The following FANCA variants were observed in gnomAD, a reference collection of about 807,000 sequenced individuals.
The protein encoded by FANCA is Fanconi anemia group A protein.
FANCA carries 236 observed loss-of-function variants against 194.3 expected under a neutral mutation model. The observed-to-expected ratio is 1.21, with a 90% CI of 1.09 to 1.35. The LOEUF (loss-of-function observed/expected upper bound fraction) is 1.35. Ranked by LOEUF, FANCA falls within the 40% of genes most tolerant of loss-of-function variation. The probability of loss-of-function intolerance (pLI) is 0.00; values close to 1 mark genes in which losing one functional copy is unlikely to be tolerated. For synonymous variants in FANCA, 1,014 were observed against 715.8 expected (o/e 1.42, Z -6.65); for missense variants, 2,628 against 1,813.9 (o/e 1.45, Z -8.15).
At chr16:89,758,238 G>C (rs2038828612) in intron 30 of FANCA, among the ~76,000 whole-genome samples, 1 of 152,226 alleles carries the variant, frequency 6.6e-6, no homozygotes, top group Non-Finnish European at 1.5e-5. Context: ...TATTGACATA[G>C]ATTTGCTATG....
chr16:89,812,766 G>A (rs1161993273), intron 3 of FANCA, among the ~76,000 whole-genome samples: 1 of 151,828 alleles, frequency 6.6e-6, no homozygotes, highest in African/African-American at 2.4e-5. Flanking sequence ...TGGTTGCGGT[G>A]GCTCATGCCT....
intron 14 of FANCA, among the ~76,000 whole-genome samples, chr16:89,786,553 G>C (rs1477052469): frequency 6.6e-6 from 1 of 152,104 alleles, no homozygotes; most frequent in Non-Finnish European, 1.5e-5. Context: ...CTGACCTCAA[G>C]TGATCCACCT....
intron 11 of FANCA, among the ~76,000 whole-genome samples, chr16:89,794,795 G>A (rs1439862835): frequency 6.6e-6 from 1 of 152,182 alleles, no homozygotes; most frequent in Non-Finnish European, 1.5e-5. Context: ...CTTGGGTACA[G>A]TCTGTCATAC....
At chr16:89,807,446 C>G (rs1012919322) in intron 6 of FANCA, among the ~76,000 whole-genome samples, 7 of 150,868 alleles carry the variant, frequency 4.6e-5, no homozygotes, top group African/African-American at 1.7e-4. Flanking sequence ...TAGCAGGTCT[C>G]TGTCTCAAAA....
At chr16:89,771,956 C>T (rs1252966595) in intron 22 of FANCA, 142 bp from the exon 23 acceptor site, 1 of 1,009,832 alleles carries the variant, frequency 9.9e-7, no homozygotes, top group Non-Finnish European at 1.5e-6. Flanking sequence ...GTGCTGAACA[C>T]CAGTGTTTGT....
chr16:89,764,759 C>T (rs1164746885), intron 28 of FANCA, 131 bp downstream of exon 28: 1 of 1,122,510 alleles, frequency 8.9e-7, no homozygotes, highest in Admixed American at 1.7e-5. Context: ...ACACACACAC[C>T]CTAGACTCGG....
At chr16:89,799,288 A>T in intron 9 of FANCA, 56 bp from the exon 10 acceptor site, 2 of 1,604,744 alleles carry the variant, frequency 1.2e-6, no homozygotes, top group Non-Finnish European at 1.7e-6. Flanking sequence ...GCAGCCCACC[A>T]GAAACAATCC....
intron 37 of FANCA, 120 bp downstream of exon 37, chr16:89,742,680 T>A: frequency 1.3e-6 from 1 of 797,978 alleles, no homozygotes; most frequent in Non-Finnish European, 1.9e-6. Context: ...AAAAAAAGTC[T>A]TGCTCCAAGC....
chr16:89,750,719 G>A (rs545811280), intron 31 of FANCA, among the ~76,000 whole-genome samples: 1 of 152,184 alleles, frequency 6.6e-6, no homozygotes, highest in East Asian at 1.9e-4. Flanking sequence ...GCTGCAGTGA[G>A]CCAAGATCCC....
chr16:89,749,130 C>T (rs1045003980), intron 32 of FANCA, among the ~76,000 whole-genome samples: 1 of 152,208 alleles, frequency 6.6e-6, no homozygotes, highest in Non-Finnish European at 1.5e-5. Context: ...CTTATAAATG[C>T]AGCCGCCGTG....
intron 8 of FANCA, among the ~76,000 whole-genome samples, chr16:89,800,561 T>C (rs1240956992): frequency 6.6e-6 from 1 of 152,088 alleles, no homozygotes; most frequent in African/African-American, 2.4e-5. Flanking sequence ...GATTCTAAAA[T>C]TCACATGGAA....
chr16:89,788,491 T>C (rs1305248098), intron 14 of FANCA, among the ~76,000 whole-genome samples: 1 of 151,856 alleles, frequency 6.6e-6, no homozygotes. Context: ...TATGCATATA[T>C]ACATTTATCA....
At chr16:89,762,458 G>C (rs1403756615) in intron 28 of FANCA, among the ~76,000 whole-genome samples, 2 of 151,942 alleles carry the variant, frequency 1.3e-5, no homozygotes, top group Non-Finnish European at 2.9e-5. Context: ...GCCAGGTGTG[G>C]TGGCACATGT....
At chr16:89,793,140 G>C (rs542416707) in intron 11 of FANCA, among the ~76,000 whole-genome samples, 4 of 152,236 alleles carry the variant, frequency 2.6e-5, no homozygotes, top group South Asian at 2.1e-4. Flanking sequence ...TGGAGGAGCA[G>C]AGTCTTCTCT....
At chr16:89,769,797 G>C (rs2039257854) in intron 26 of FANCA, 40 bp downstream of exon 26, 3 of 1,608,244 alleles carry the variant, frequency 1.9e-6, no homozygotes, top group Non-Finnish European at 2.5e-6. Flanking sequence ...CACTTTTCGA[G>C]AGAGAGGAGA....
At chr16:89,748,872 C>T (rs1428261832) in intron 32 of FANCA, 105 bp from the exon 33 acceptor site, 2 of 909,394 alleles carry the variant, frequency 2.2e-6, no homozygotes, top group African/African-American at 1.6e-5. Context: ...AAACCCAGGG[C>T]CACTGTTGGA....
At chr16:89,798,562 G>A (rs2040326139) in intron 10 of FANCA, 10 of 1,134,200 alleles carry the variant, frequency 8.8e-6, no homozygotes, top group Non-Finnish European at 1.1e-5. Context: ...CACACTAGAG[G>A]GAAGCAAACC....
rs1250230818 is a variant in FANCA at position 89,742,936 on chromosome 16, A to G, written c.3629T>C (p.Phe1210Ser). 2.5e-6 allele frequency: 4 copies of G among 1,613,738 alleles called. No individual in the cohort carries two copies. The African/African-American group carries it at 4.0e-5, about 16-fold the overall frequency. The change falls in exon 37 of 43, where the codon TTC becomes TCC. Residue 1210 changes from phenylalanine (F) to serine (S), a missense_variant and splice_region_variant. Coordinates refer to ENST00000389301, the MANE Select transcript of FANCA (RefSeq NM_000135.4). ...TGGGGAGGCAGCCTCAGGGGAGAGG[A>G]AACTGGGACAGAGAGAACGGGGTCA... Reference protein sequence around the residue: ...LQEGRQFASDFLSPEAASPAP... With the variant: ...LQEGRQFASDSLSPEAASPAP...
chr16:89,783,613 G>A (rs1012471333), intron 15 of FANCA, among the ~76,000 whole-genome samples: 49 of 151,526 alleles, frequency 3.2e-4, no homozygotes, highest in African/African-American at 1.1e-3. Context: ...GAAAAATCAA[G>A]AAACCCTAAT....
Sources: gnomAD v4.1 joint callset for allele counts (sites outside exome capture counted in the v4.1 genomes callset) on GRCh38, gnomAD v4.1.1 for gene constraint, MANE v1.5 for transcripts, NCBI Gene and HGNC (gene_info 2026-07-23, HGNC 2026-07-21) for gene names.